The following TNFAIP8L1 variants were observed in gnomAD, a reference collection of about 807,000 sequenced individuals.
The protein encoded by TNFAIP8L1 is tumor necrosis factor alpha-induced protein 8-like protein 1.
For missense variants in TNFAIP8L1, 225 were observed against 266.1 expected (o/e 0.85, Z 1.08); for synonymous variants, 127 against 125.6 (o/e 1.01, Z -0.08).
rs144040550 is a variant in TNFAIP8L1, at chr19:4,645,440, G to A, written c.-4+5811G>A. 7.2e-5 allele frequency among the ~76,000 whole-genome samples: 11 copies of A among 152,198 alleles called. No homozygotes were observed. Among genetic ancestry groups the A allele is most frequent in the Middle Eastern group, 3.4e-3 (1 of 294 alleles). ...AATACAAATACACCAGCTGGGTGTG[G>A]TGGCATGCACCTGTAGTCCTAGCTA... On this transcript the variant is annotated intron_variant, in intron 1 of 1. Transcript: ENST00000327473. This position sits in a 1 kb window ranked among gnomAD's most constrained non-coding sequence, Gnocchi z 4.1.
chr19:4,649,104 A>G (rs1319329690), intron 1 of TNFAIP8L1, among the ~76,000 whole-genome samples: 1 of 151,216 alleles, frequency 6.6e-6, no homozygotes, highest in Non-Finnish European at 1.5e-5. Flanking sequence ...TAATTTTTGT[A>G]TTTTTAGTAG....
chr19:4,651,785 TG>T, intron 1 of TNFAIP8L1, 81 bp from the exon 2 acceptor site: 1 of 1,436,448 alleles, frequency 7.0e-7, no homozygotes, highest in Non-Finnish European at 9.4e-7. Context: ...TTAGGCCCTC[TG>T]GGGTCTGTGG....
At chr19:4,643,098 G>A (rs2088278091) in intron 1 of TNFAIP8L1, among the ~76,000 whole-genome samples, 1 of 151,950 alleles carries the variant, frequency 6.6e-6, no homozygotes, top group South Asian at 2.1e-4. Context: ...GACCAACATG[G>A]TGAAACCCCA....
In TNFAIP8L1 at chr19:4,652,223, C is replaced by CGGGCT. The variant is rs769554151; in HGVS notation, c.356_360dup (p.Leu121GlyfsTer17). On this transcript the variant is annotated frameshift_variant, in exon 2 of 2. Coordinates refer to ENST00000327473, the MANE Select transcript of TNFAIP8L1 (RefSeq NM_152362.3). LOFTEE classifies it low-confidence loss of function (END_TRUNC). The stretch of plus-strand genomic sequence containing the variant: ...CCTTCGACCGGCGCGTGCTGGCCGC[C>CGGGCT]GGGCTGCTCGAGTGCCGCGACCTGC... 8 of 1,546,418 alleles carry CGGGCT rather than the reference C, an allele frequency of 5.2e-6. No homozygotes were observed. Among genetic ancestry groups the CGGGCT allele is most frequent in the Non-Finnish European group, 7.0e-6 (8 of 1,148,900 alleles).
At position 4,653,198 on chromosome 19, in the gene TNFAIP8L1, G is replaced by C. The variant is rs930091306; in HGVS notation, c.*768G>C. ...CACATGCCTGTAGTCCCAGCTACTCGGGAGGCTGAGGCAGGATAATCACTT... is the reference window on the plus strand; with the variant it reads ...CACATGCCTGTAGTCCCAGCTACTCCGGAGGCTGAGGCAGGATAATCACTT... On this transcript the variant is annotated 3_prime_UTR_variant, in exon 2 of 2. Coordinates refer to ENST00000327473, the MANE Select transcript of TNFAIP8L1 (RefSeq NM_152362.3). 1 of 166,854 alleles carries C rather than the reference G, an allele frequency of 6.0e-6. No homozygotes were observed. The highest frequency in any genetic ancestry group is 6.6e-5 in the Admixed American group (1 of 15,264). The allele number at this position is 166,854 out of a possible 1,614,324, so 10.3% of individuals were successfully genotyped here.
chr19:4,641,705 A>C lies in TNFAIP8L1; in HGVS notation c.-4+2076A>C, dbSNP rs371290553. The C allele has an allele frequency of 7.2e-5, 11 of 152,202 alleles. No individual in the cohort carries two copies. Among genetic ancestry groups the C allele is most frequent in the African/African-American group, 2.7e-4 (11 of 41,444 alleles). 9.4% of individuals were successfully genotyped at this position (152,202 alleles called of 1,614,324 possible). ...GGGGGAGATTCAACAAGATATTGTTAAAAGCCCGAGGAGGGGATTACAGGA... is the reference window on the plus strand; with the variant it reads ...GGGGGAGATTCAACAAGATATTGTTCAAAGCCCGAGGAGGGGATTACAGGA... On this transcript the variant is annotated intron_variant, in intron 1 of 1. Coordinates refer to ENST00000327473, the MANE Select transcript of TNFAIP8L1 (RefSeq NM_152362.3). The surrounding 1 kb of genome is among the most constrained non-coding windows in gnomAD (Gnocchi z 4.6).
intron 1 of TNFAIP8L1, among the ~76,000 whole-genome samples, chr19:4,647,754 C>T (rs1469002142): frequency 6.6e-6 from 1 of 151,738 alleles, no homozygotes; most frequent in East Asian, 1.9e-4. Flanking sequence ...TCCCGAGTAC[C>T]TGGGACCACA....
chr19:4,647,963 TAGAAA>T (rs2088327920), intron 1 of TNFAIP8L1, among the ~76,000 whole-genome samples: 1 of 152,086 alleles, frequency 6.6e-6, no homozygotes, highest in African/African-American at 2.4e-5. Flanking sequence ...GCTTGGGGTC[TAGAAA>T]GCCAGGGCCT....
chr19:4,642,743 A>AGGAGG (rs1485222954), intron 1 of TNFAIP8L1, among the ~76,000 whole-genome samples: 1 of 126,006 alleles, frequency 7.9e-6, no homozygotes, highest in African/African-American at 3.0e-5. Context: ...GGAGAGAGGG[A>AGGAGG]GGAGGGGAGG....
chr19:4,650,049 C>T (rs2088347973), intron 1 of TNFAIP8L1, among the ~76,000 whole-genome samples: 1 of 152,210 alleles, frequency 6.6e-6, no homozygotes, highest in African/African-American at 2.4e-5. Context: ...CAGGCCCTCC[C>T]TCCTCCGCCA....
chr19:4,647,781 C>T (rs779356918), intron 1 of TNFAIP8L1, among the ~76,000 whole-genome samples: 1 of 151,838 alleles, frequency 6.6e-6, no homozygotes, highest in African/African-American at 2.4e-5. Context: ...TGCCACCATG[C>T]CTGGCTAATT....
At position 4,653,692 on chromosome 19, in the gene TNFAIP8L1, T is replaced by A. The variant is rs570571696; in HGVS notation, c.*1262T>A. 5 of 138,946 alleles carry A rather than the reference T, an allele frequency of 3.6e-5. No individual in the cohort carries two copies. The highest frequency in any genetic ancestry group is 1.3e-4 in the African/African-American group (5 of 37,078). The allele number at this position is 138,946 out of a possible 1,614,324, so 8.6% of individuals were successfully genotyped here. A position where few individuals can be genotyped will look rare whatever the true frequency, so the allele number is the denominator to read the frequency against. ...ATCGCTTGAACCTGGGAGGCGCAGG[T>A]TGCAGGGAGGCGGAGGTTGCAGTGA... On this transcript the variant is annotated 3_prime_UTR_variant, in exon 2 of 2. Transcript: ENST00000327473.
chr19:4,650,339 G>A (rs1243234603), intron 1 of TNFAIP8L1, among the ~76,000 whole-genome samples: 4 of 152,008 alleles, frequency 2.6e-5, no homozygotes, highest in African/African-American at 9.7e-5. Flanking sequence ...AGTTCACCAG[G>A]GAGGAGATGG....
intron 1 of TNFAIP8L1, among the ~76,000 whole-genome samples, chr19:4,647,240 C>T (rs555781858): frequency 2.0e-5 from 3 of 152,240 alleles, no homozygotes; most frequent in African/African-American, 7.2e-5. Flanking sequence ...GGTAGATCCC[C>T]CAAAGTGGAA....
At chr19:4,644,033 C>T (rs2088286888) in intron 1 of TNFAIP8L1, among the ~76,000 whole-genome samples, 1 of 151,930 alleles carries the variant, frequency 6.6e-6, no homozygotes, top group Non-Finnish European at 1.5e-5. Context: ...CCAGCCTGAC[C>T]AACATGGAGA....
rs562889814 is a variant in TNFAIP8L1 at position 4,652,382 on chromosome 19, C to T, written c.513C>T (p.Arg171=). 1.3e-6 allele frequency: 2 copies of T among 1,553,116 alleles called. No individual in the cohort carries two copies. The highest frequency in any genetic ancestry group is 1.7e-6 in the Non-Finnish European group (2 of 1,151,176). Reference sequence around the variant, plus strand: ...CCGAGCCCTACCGCTCCCACCTGCGCAGGATCTGCGAGGGCCTGGGCCGGA... The same window carrying T: ...CCGAGCCCTACCGCTCCCACCTGCGTAGGATCTGCGAGGGCCTGGGCCGGA... ...GPAEPYRSHL[R]RICEGLGRML... is the part of the protein sequence containing the mutation. Residue 171 remains arginine (R), a synonymous_variant, in exon 2 of 2, where the codon CGC becomes CGT. Transcript: ENST00000327473.
intron 1 of TNFAIP8L1, among the ~76,000 whole-genome samples, chr19:4,644,637 G>C (rs2088293215): frequency 8.9e-6 from 1 of 112,686 alleles, no homozygotes; most frequent in Non-Finnish European, 1.7e-5. Flanking sequence ...TTTTGAGATA[G>C]AGTCTCACTC....
chr19:4,651,159 GT>G (rs546531468), intron 1 of TNFAIP8L1, among the ~76,000 whole-genome samples: 1 of 152,030 alleles, frequency 6.6e-6, no homozygotes, highest in African/African-American at 2.4e-5. Context: ...AGGGTGGGGA[GT>G]GTTGAGCTGG....
chr19:4,646,923 C>T (rs190887572), intron 1 of TNFAIP8L1, among the ~76,000 whole-genome samples: 5 of 152,364 alleles, frequency 3.3e-5, no homozygotes, highest in Admixed American at 2.6e-4. Flanking sequence ...AGCCGGTGCC[C>T]GGCCCTTCCT....
Sources: allele counts gnomAD v4.1 joint callset (sites outside exome capture counted in the v4.1 genomes callset), GRCh38; gene constraint gnomAD v4.1.1; non-coding constraint Gnocchi (gnomAD v3.1); transcripts MANE v1.5; gene names NCBI Gene and HGNC (gene_info 2026-07-23, HGNC 2026-07-21).